The following PFDN2 variants were observed in gnomAD, a reference collection of about 807,000 sequenced individuals.
The protein encoded by PFDN2 is prefoldin 2.
In PFDN2, 7 loss-of-function variants were observed where a neutral mutation model predicts 18.3. The ratio of observed to expected loss-of-function variants is 0.38; its 90% CI spans 0.22 to 0.72. PFDN2 has a LOEUF of 0.72. Among genes scored for constraint, PFDN2 ranks in the 30% least tolerant of loss-of-function variants. The pLI is 0.47. For synonymous variants in PFDN2, 76 were observed against 75.0 expected (o/e 1.01, Z -0.07); for missense variants, 181 against 199.1 (o/e 0.91, Z 0.55).
Position 161,118,027 on chromosome 1 carries a change from C to T in PFDN2, c.-1G>A, listed in dbSNP as rs756473177. The T allele has an allele frequency of 3.1e-6, 5 of 1,611,252 alleles. No homozygotes were observed. In the African/African-American group the frequency reaches 4.0e-5, roughly 13 times the overall value. ...CGGCGCGACCGCTGTTCTCCGCCATCTTCGCCGCCTGCTGGGTTTCCGGCC... is the reference window on the plus strand; with the variant it reads ...CGGCGCGACCGCTGTTCTCCGCCATTTTCGCCGCCTGCTGGGTTTCCGGCC... On this transcript the variant is annotated 5_prime_UTR_variant, in exon 1 of 4. Coordinates refer to ENST00000368010, the MANE Select transcript of PFDN2 (RefSeq NM_012394.4).
At chr1:161,115,427 C>T (rs1022360978) in intron 1 of PFDN2, among the ~76,000 whole-genome samples, 3 of 152,168 alleles carry the variant, frequency 2.0e-5, no homozygotes, top group African/African-American at 4.8e-5. Context: ...CTAGCCATCC[C>T]GCTCAGGATG....
intron 1 of PFDN2, among the ~76,000 whole-genome samples, chr1:161,109,907 G>A (rs776181714): frequency 6.6e-6 from 1 of 151,284 alleles, no homozygotes; most frequent in African/African-American, 2.4e-5. Flanking sequence ...AAAATTAGCT[G>A]GGCGTGGTGG....
At chr1:161,110,064 A>G (rs968514761) in intron 1 of PFDN2, among the ~76,000 whole-genome samples, 1 of 150,676 alleles carries the variant, frequency 6.6e-6, no homozygotes, top group Non-Finnish European at 1.5e-5. Flanking sequence ...ACAAACACAA[A>G]ACAAAATAGT....
intron 1 of PFDN2, among the ~76,000 whole-genome samples, chr1:161,117,657 G>A (rs1326303293): frequency 6.6e-6 from 1 of 152,150 alleles, no homozygotes; most frequent in Admixed American, 6.5e-5. Flanking sequence ...GCTGAGGAGA[G>A]ATAGAGAAAG....
At chr1:161,115,579 T>G (rs1654897769) in intron 1 of PFDN2, among the ~76,000 whole-genome samples, 2 of 152,198 alleles carry the variant, frequency 1.3e-5, no homozygotes, top group Admixed American at 1.3e-4. Flanking sequence ...TCATCAATAG[T>G]GGCCTAAGGC....
chr1:161,102,178 T>C lies in PFDN2; in HGVS notation c.165-7A>G, dbSNP rs1048129721. On this transcript the variant is annotated splice_region_variant and splice_polypyrimidine_tract_variant and intron_variant, in intron 2 of 3. Transcript: ENST00000368010. ...CAGTGTATCGATCACTAGGCTGGGA[T>C]AGGAGAACAAGGCAGGACCTGAGGA... The C allele has an allele frequency of 3.7e-6, 6 of 1,614,190 alleles. No individual in the cohort carries two copies. The highest frequency in any genetic ancestry group is 3.4e-6 in the Non-Finnish European group (4 of 1,180,016).
At chr1:161,109,361 C>T (rs932283571) in intron 1 of PFDN2, among the ~76,000 whole-genome samples, 1 of 152,172 alleles carries the variant, frequency 6.6e-6, no homozygotes, top group South Asian at 2.1e-4. Flanking sequence ...TTTATATGTG[C>T]TCATATAAAA....
intron 1 of PFDN2, among the ~76,000 whole-genome samples, chr1:161,105,824 A>G (rs1008322193): frequency 1.8e-4 from 27 of 152,104 alleles, no homozygotes; most frequent in Non-Finnish European, 2.2e-4. Context: ...CTCTTGTTCC[A>G]TTTTATGAAC....
In PFDN2 at chr1:161,100,633, G is replaced by A; in HGVS notation, c.*50C>T. On this transcript the variant is annotated 3_prime_UTR_variant, in exon 4 of 4. Transcript: ENST00000368010. ...AAAATAATAATAATAACAATAAAGA[G>A]AAATTAGAAGTGGGAGTCAGGGTAG... The A allele has an allele frequency of 8.3e-7, 1 of 1,202,678 alleles. No individual in the cohort carries two copies. The highest frequency in any genetic ancestry group is 1.6e-5 in the South Asian group (1 of 62,944). 74.5% of individuals were successfully genotyped at this position (1,202,678 alleles called of 1,614,324 possible).
chr1:161,108,583 C>CA (rs980606536), intron 1 of PFDN2, among the ~76,000 whole-genome samples: 3 of 148,870 alleles, frequency 2.0e-5, no homozygotes, highest in Non-Finnish European at 4.5e-5. Flanking sequence ...AAACAAAAAA[C>CA]AAAAAAAACC....
chr1:161,117,179 A>C (rs1209112246), intron 1 of PFDN2, among the ~76,000 whole-genome samples: 3 of 152,200 alleles, frequency 2.0e-5, no homozygotes, highest in African/African-American at 7.2e-5. Flanking sequence ...GATTGCAGTA[A>C]GGCGAGATCG....
chr1:161,100,917 G>A, intron 3 of PFDN2, 58 bp from the exon 4 acceptor site: 1 of 1,300,012 alleles, frequency 7.7e-7, no homozygotes, highest in East Asian at 2.3e-5. Context: ...CCCCCACCTG[G>A]AATGGACTAT....
At chr1:161,105,449 A>ACTTTT (rs991353413) in intron 1 of PFDN2, among the ~76,000 whole-genome samples, 1 of 151,490 alleles carries the variant, frequency 6.6e-6, no homozygotes, top group African/African-American at 2.4e-5. Context: ...ACAGGAATCT[A>ACTTTT]CTTTTCTTTT....
intron 1 of PFDN2, among the ~76,000 whole-genome samples, chr1:161,115,261 G>A (rs947898552): frequency 2.0e-5 from 3 of 152,036 alleles, no homozygotes; most frequent in African/African-American, 7.2e-5. Flanking sequence ...ATGGGGTTTC[G>A]CCATGTTGGC....
rs1383337026 is a variant in PFDN2 at position 161,102,956 on chromosome 1, C to CAA, written c.76-583_76-582dup. Reference sequence around the variant, plus strand: ...CTGGCGACAGAGCGAAACTCCGTCTCAAAAAAAAAAAAAAAAGAATGGGGT... The same window carrying CAA: ...CTGGCGACAGAGCGAAACTCCGTCTCAAAAAAAAAAAAAAAAAAGAATGGGGT... On this transcript the variant is annotated intron_variant, in intron 1 of 3. Transcript: ENST00000368010. Among the ~76,000 whole-genome samples, 542 of 91,926 alleles carry CAA rather than the reference C, an allele frequency of 5.9e-3. 6 individuals are homozygous for CAA. Among genetic ancestry groups the CAA allele is most frequent in the African/African-American group, 0.02 (490 of 24,844 alleles). The allele number at this position is 91,926 out of a possible 152,430, so 60.3% of individuals were successfully genotyped here. A position where few individuals can be genotyped will look rare whatever the true frequency, so the allele number is the denominator to read the frequency against.
chr1:161,117,985 G>C lies in PFDN2; in HGVS notation c.42C>G (p.Ser14Arg), dbSNP rs375173230. ...CGGACACCGCCCCCTTCCCCGCGCCGCTCCCGCTGCTCTTGCCGGCGCGAC... is the reference window on the plus strand; with the variant it reads ...CGGACACCGCCCCCTTCCCCGCGCCCCTCCCGCTGCTCTTGCCGGCGCGAC... ...NSGRAGKSSG[S>R]GAGKGAVSAE... Residue 14 changes from serine to arginine, a missense_variant, in exon 1 of 4, where the codon AGC becomes AGG. Ser to Arg is a moderately radical substitution (Grantham distance 110). Transcript: ENST00000368010. 2 of 1,612,390 alleles carry C rather than the reference G, an allele frequency of 1.2e-6. No homozygotes were observed. Among genetic ancestry groups the C allele is most frequent in the Non-Finnish European group, 1.7e-6 (2 of 1,179,430 alleles).
At chr1:161,101,207 ATT>A in intron 3 of PFDN2, among the ~76,000 whole-genome samples, 1 of 148,930 alleles carries the variant, frequency 6.7e-6, no homozygotes, top group South Asian at 2.1e-4. Flanking sequence ...TATTTTTAAT[ATT>A]TTTTTTTTGA....
chr1:161,101,573 T>C (rs191706491), intron 3 of PFDN2, among the ~76,000 whole-genome samples: 4 of 152,330 alleles, frequency 2.6e-5, no homozygotes, highest in African/African-American at 9.6e-5. Context: ...GCTGCATTTA[T>C]AAATTAGTCC....
intron 1 of PFDN2, among the ~76,000 whole-genome samples, chr1:161,104,836 G>A (rs1654648857): frequency 6.6e-6 from 1 of 152,036 alleles, no homozygotes; most frequent in African/African-American, 2.4e-5. Flanking sequence ...AATAAACCAA[G>A]GAGTAATACT....
Sources: allele counts gnomAD v4.1 joint callset (sites outside exome capture counted in the v4.1 genomes callset), GRCh38; gene constraint gnomAD v4.1.1; transcripts MANE v1.5; gene names NCBI Gene and HGNC (gene_info 2026-07-23, HGNC 2026-07-21).